The following ARMC1 variants were observed in gnomAD, a reference collection of about 807,000 sequenced individuals.
The protein encoded by ARMC1 is armadillo repeat-containing protein 1.
In ARMC1, 16 loss-of-function variants were observed where a neutral mutation model predicts 31.4. The ratio of observed to expected loss-of-function variants is 0.51; its 90% CI spans 0.34 to 0.77. The LOEUF is 0.77. Among genes scored for constraint, ARMC1 ranks in the 30% least tolerant of loss-of-function variants. The probability of loss-of-function intolerance (pLI) is 0.01; values close to 1 mark genes in which losing one functional copy is unlikely to be tolerated. For missense variants in ARMC1, 259 were observed against 347.5 expected (o/e 0.75, Z 2.02); for synonymous variants, 114 against 118.9 (o/e 0.96, Z 0.27).
intron 1 of ARMC1, among the ~76,000 whole-genome samples, chr8:65,629,475 T>C (rs919480734): frequency 4.6e-5 from 7 of 152,138 alleles, no homozygotes; most frequent in African/African-American, 1.7e-4. Flanking sequence ...TTTTTTGACA[T>C]CTATTGCACA....
In ARMC1 at chr8:65,603,353, A is replaced by C. The variant is rs1807933954; in HGVS notation, c.*1041T>G. The C allele has an allele frequency of 6.6e-6, 1 of 152,196 alleles. No homozygotes were observed. Among genetic ancestry groups the C allele is most frequent in the South Asian group, 2.1e-4 (1 of 4,832 alleles). The allele number at this position is 152,196 out of a possible 1,614,324, so 9.4% of individuals were successfully genotyped here. A position where few individuals can be genotyped will look rare whatever the true frequency, so the allele number is the denominator to read the frequency against. On this transcript the variant is annotated 3_prime_UTR_variant, in exon 7 of 7. Transcript: ENST00000276569. ...GTAATTTGGGTCTTTTTCATTCAAC[A>C]CAACGCAGCATTTTCATAATAAATT... is the stretch of plus-strand genomic sequence containing the variant.
chr8:65,630,495 T>C (rs1006041282), intron 1 of ARMC1, among the ~76,000 whole-genome samples: 4 of 152,102 alleles, frequency 2.6e-5, no homozygotes, highest in Non-Finnish European at 5.9e-5. Flanking sequence ...CCTGTTCCTT[T>C]GGGATGAATA....
intron 4 of ARMC1, among the ~76,000 whole-genome samples, chr8:65,612,154 T>C (rs1039104171): frequency 2.0e-5 from 3 of 152,180 alleles, no homozygotes; most frequent in Non-Finnish European, 4.4e-5. Flanking sequence ...TACTGACTCA[T>C]AGATTACTTT....
chr8:65,629,825 C>G (rs936525231), intron 1 of ARMC1, among the ~76,000 whole-genome samples: 10 of 136,944 alleles, frequency 7.3e-5, no homozygotes, highest in Admixed American at 6.7e-4. Context: ...AAAATCAAAA[C>G]AAAACAGTAT....
intron 3 of ARMC1, among the ~76,000 whole-genome samples, chr8:65,619,941 G>A (rs1808357426): frequency 1.3e-5 from 2 of 148,404 alleles, no homozygotes; most frequent in South Asian, 2.1e-4. Flanking sequence ...CCAAGATCGC[G>A]CCATTGCACT....
chr8:65,606,545 G>A (rs900711679), intron 4 of ARMC1, among the ~76,000 whole-genome samples: 2 of 151,992 alleles, frequency 1.3e-5, no homozygotes, highest in African/African-American at 2.4e-5. Context: ...CATTCTTATG[G>A]TTACTATTGC....
Position 65,613,243 on chromosome 8 carries a change from C to T in ARMC1, c.465+1G>A. ...TCTCTTTCCCATCTAACAGACCTTA[C>T]CGTATCATCAAGGCCATCTATATGC... On this transcript the variant is annotated splice_donor_variant, in intron 4 of 6. Transcript: ENST00000276569. LOFTEE classifies it high-confidence loss of function. The T allele has an allele frequency of 1.3e-6, 2 of 1,595,338 alleles. No homozygotes were observed. The highest frequency in any genetic ancestry group is 1.7e-6 in the Non-Finnish European group (2 of 1,172,800).
intron 3 of ARMC1, among the ~76,000 whole-genome samples, chr8:65,620,798 T>TAAAAAAAAAAACA (rs776508929): frequency 6.5e-5 from 3 of 46,486 alleles, no homozygotes; most frequent in African/African-American, 2.7e-4. Context: ...TTAGTTCCAT[T>TAAAAAAAAAAACA]TAAAAAAAAA....
At chr8:65,613,513 T>A in intron 3 of ARMC1, 80 bp from the exon 4 acceptor site, 6 of 974,522 alleles carry the variant, frequency 6.2e-6, no homozygotes, top group Non-Finnish European at 8.9e-6. Flanking sequence ...AAAGGAGCCT[T>A]GTTTCTTTTA....
chr8:65,629,224 C>T (rs1270756856), intron 1 of ARMC1, among the ~76,000 whole-genome samples: 1 of 151,714 alleles, frequency 6.6e-6, no homozygotes, highest in Non-Finnish European at 1.5e-5. Flanking sequence ...ATACTATTCA[C>T]CCTTAAAAAA....
chr8:65,622,182 C>T, intron 3 of ARMC1, 81 bp downstream of exon 3: 1 of 1,111,748 alleles, frequency 9.0e-7, no homozygotes, highest in Non-Finnish European at 1.3e-6. Context: ...TTGAACCCAG[C>T]ATGGGCAACA....
At chr8:65,622,460 G>GT (rs1808414847) in intron 2 of ARMC1, 106 bp from the exon 3 acceptor site, 1 of 830,318 alleles carries the variant, frequency 1.2e-6, no homozygotes, top group Non-Finnish European at 1.9e-6. Flanking sequence ...ATAGGTTTTT[G>GT]TTTTTAGAAT....
rs766258847 is a variant in ARMC1, at chr8:65,605,252, A to G, written c.657+11T>C. 1.1e-5 allele frequency: 17 copies of G among 1,600,862 alleles called. No homozygotes were observed. The highest frequency in any genetic ancestry group is 5.3e-5 in the Admixed American group (3 of 56,314). On this transcript the variant is annotated intron_variant, in intron 6 of 6. Coordinates refer to ENST00000276569, the MANE Select transcript of ARMC1 (RefSeq NM_018120.6). ...GAGTTGGATATAAAGAAAATTAAAC[A>G]CAACTTTTACCTCTTCTCCACTTTC... is the stretch of plus-strand genomic sequence containing the variant.
Position 65,604,292 on chromosome 8 carries a change from C to G in ARMC1, c.*102G>C, listed in dbSNP as rs1006645428. 15 of 1,154,206 alleles carry G rather than the reference C, an allele frequency of 1.3e-5. No individual in the cohort carries two copies. The Middle Eastern group carries it at 1.2e-3, about 93-fold the overall frequency. 71.5% of individuals were successfully genotyped at this position (1,154,206 alleles called of 1,614,324 possible). A position where few individuals can be genotyped will look rare whatever the true frequency, so the allele number is the denominator to read the frequency against. On this transcript the variant is annotated 3_prime_UTR_variant, in exon 7 of 7. Transcript: ENST00000276569. ...CATATGCGATCGTGTAATCTAAAAA[C>G]TTTTCATGATAACTTATTGCAAATT...
At chr8:65,621,561 T>G (rs151172412) in intron 3 of ARMC1, among the ~76,000 whole-genome samples, 6,324 of 152,020 alleles carry the variant, frequency 0.042, 194 homozygotes, top group Non-Finnish European at 0.063. Flanking sequence ...CAGGCTAGAG[T>G]GCAGTGGTGG....
chr8:65,621,943 T>A (rs938839508), intron 3 of ARMC1, among the ~76,000 whole-genome samples: 14 of 144,766 alleles, frequency 9.7e-5, no homozygotes, highest in Non-Finnish European at 1.8e-4. Context: ...AAAATTGAAA[T>A]TTTTTTTTTT....
In ARMC1 at chr8:65,610,479, G is replaced by C. The variant is rs559687272; in HGVS notation, c.465+2765C>G. On this transcript the variant is annotated intron_variant, in intron 4 of 6. Coordinates refer to ENST00000276569, the MANE Select transcript of ARMC1 (RefSeq NM_018120.6). Reference sequence around the variant, plus strand: ...GGAGACCAAAGCAGGCAGATTACCTGAGGTAAGGAGTTCAAGACCAGCCTG... The same window carrying C: ...GGAGACCAAAGCAGGCAGATTACCTCAGGTAAGGAGTTCAAGACCAGCCTG... 2.6e-4 allele frequency among the ~76,000 whole-genome samples: 39 copies of C among 152,150 alleles called. No individual in the cohort carries two copies. In the East Asian group the frequency reaches 7.0e-3, roughly 27 times the overall value.
At chr8:65,612,916 G>A (rs1374652617) in intron 4 of ARMC1, among the ~76,000 whole-genome samples, 1 of 152,048 alleles carries the variant, frequency 6.6e-6, no homozygotes, top group Non-Finnish European at 1.5e-5. Flanking sequence ...TAAATTGGTT[G>A]ATAGCATTAT....
chr8:65,626,632 C>T (rs1808516659), intron 2 of ARMC1, among the ~76,000 whole-genome samples: 1 of 151,964 alleles, frequency 6.6e-6, no homozygotes, highest in South Asian at 2.1e-4. Context: ...CTTTGAGTGT[C>T]TCTGTGTATG....
Sources: allele counts gnomAD v4.1 joint callset (sites outside exome capture counted in the v4.1 genomes callset), GRCh38; gene constraint gnomAD v4.1.1; transcripts MANE v1.5; gene names NCBI Gene and HGNC (gene_info 2026-07-23, HGNC 2026-07-21).